CPSF4: variants seen among roughly 807,000 people sequenced by gnomAD.
CPSF4 encodes the protein cleavage and polyadenylation specific factor 4, also known as cleavage and polyadenylation specificity factor subunit 4.
A neutral mutation model predicts 37.7 loss-of-function variants in CPSF4; 11 were observed. That is an observed-to-expected ratio of 0.29 (90% CI 0.18 to 0.48). The LOEUF is 0.48. CPSF4 is among the 20% of genes least tolerant of loss of function. The pLI, the probability that CPSF4 is intolerant of heterozygous loss-of-function variation, is 0.99. For synonymous variants in CPSF4, 132 were observed against 135.9 expected (o/e 0.97, Z 0.20); for missense variants, 144 against 359.5 (o/e 0.40, Z 4.85).
At chr7:99,455,112 A>G (rs920566983) in intron 7 of CPSF4, among the ~76,000 whole-genome samples, 2 of 152,092 alleles carry the variant, frequency 1.3e-5, no homozygotes, top group African/African-American at 4.8e-5. Flanking sequence ...CTTAGCTGTT[A>G]TCTTGCCACC....
Position 99,448,354 on chromosome 7 carries a change from C to A in CPSF4, c.307+81C>A. 7.0e-7 allele frequency: 1 copy of A among 1,426,928 alleles called. No homozygotes were observed. Among genetic ancestry groups the A allele is most frequent in the Non-Finnish European group, 9.5e-7 (1 of 1,053,240 alleles). 88.4% of individuals were successfully genotyped at this position (1,426,928 alleles called of 1,614,324 possible). On this transcript the variant is annotated intron_variant, in intron 3 of 7. Transcript: ENST00000292476. This position sits in a 1 kb window ranked among gnomAD's most constrained non-coding sequence, Gnocchi z 4.4. ...GCTGGCTGCTCAGTGCCCACACTGT[C>A]TCTGCCTGCTTTTCCCATCTTTCTA...
intron 2 of CPSF4, among the ~76,000 whole-genome samples, chr7:99,445,534 A>G (rs918435444): frequency 6.6e-6 from 1 of 152,042 alleles, no homozygotes; most frequent in African/African-American, 2.4e-5. Context: ...CCATCTTGTT[A>G]CCCCTCTGGC....
intron 5 of CPSF4, 85 bp downstream of exon 5, chr7:99,450,880 C>G: frequency 1.0e-6 from 1 of 981,340 alleles, no homozygotes; most frequent in Non-Finnish European, 1.6e-6. Flanking sequence ...CCAACTGGGC[C>G]TTGGTCACTG....
intron 7 of CPSF4, among the ~76,000 whole-genome samples, chr7:99,454,823 G>A (rs1798192826): frequency 6.6e-6 from 1 of 152,164 alleles, no homozygotes; most frequent in Admixed American, 6.5e-5. Flanking sequence ...AGTACTCTTT[G>A]AAGAGTATGT....
In CPSF4 at chr7:99,439,198, C is replaced by T. The variant is rs1328811273; in HGVS notation, c.103+13C>T. ...CCCGGCATGGACAGTGAGCGCGGGG[C>T]CCGGGCGGGAGGGCAAGAGCGACTC... On this transcript the variant is annotated intron_variant, in intron 1 of 7. Coordinates refer to ENST00000292476, the MANE Select transcript of CPSF4 (RefSeq NM_006693.4). The T allele has an allele frequency of 3.8e-6, 6 of 1,583,698 alleles. No individual in the cohort carries two copies. The highest frequency in any genetic ancestry group is 5.1e-6 in the Non-Finnish European group (6 of 1,167,336).
chr7:99,442,539 C>G (rs1338467802), intron 1 of CPSF4, among the ~76,000 whole-genome samples: 1 of 151,038 alleles, frequency 6.6e-6, no homozygotes, highest in African/African-American at 2.4e-5. Flanking sequence ...GCCTGTAGTC[C>G]CAGCTACTCG....
At chr7:99,442,165 T>C (rs1797044536) in intron 1 of CPSF4, among the ~76,000 whole-genome samples, 1 of 152,170 alleles carries the variant, frequency 6.6e-6, no homozygotes, top group East Asian at 1.9e-4. Context: ...TCATTGGTTT[T>C]TCAGCAATTC....
At position 99,450,298 on chromosome 7, in the gene CPSF4, T is replaced by C. The variant is rs1404422646; in HGVS notation, c.330T>C (p.Cys110=). Residue 110 remains cysteine (C), a synonymous_variant, in exon 4 of 8, where the codon TGT becomes TGC. Coordinates refer to ENST00000292476, the MANE Select transcript of CPSF4 (RefSeq NM_006693.4). The stretch of plus-strand genomic sequence containing the variant: ...CAGGGGAGTGCAGCAACAAGGAATG[T>C]CCCTTCCTGCACATCGACCCCGAGT... ...SKFGECSNKE[C]PFLHIDPESK... is the part of the protein sequence containing the mutation. The C allele has an allele frequency of 6.2e-7, 1 of 1,613,790 alleles. No individual in the cohort carries two copies. Among genetic ancestry groups the C allele is most frequent in the African/African-American group, 1.3e-5 (1 of 75,004 alleles).
At chr7:99,440,674 A>ATATATATATATATATATATTTTTTT in intron 1 of CPSF4, among the ~76,000 whole-genome samples, 1 of 88,086 alleles carries the variant, frequency 1.1e-5, no homozygotes, top group Admixed American at 1.2e-4. Flanking sequence ...ATATATATAT[A>ATATATATATATATATATATTTTTTT]TTTTTTTTTT....
intron 2 of CPSF4, chr7:99,447,905 C>T (rs1172159876): frequency 2.9e-5 from 17 of 595,830 alleles, no homozygotes; most frequent in Admixed American, 2.0e-4. Flanking sequence ...CCACTGCGCC[C>T]GGCCATGAGT....
rs148750889 is a variant in CPSF4, at chr7:99,445,823, G to A, written c.154+984G>A. Among the ~76,000 whole-genome samples, 842 of 152,258 alleles carry A rather than the reference G, an allele frequency of 5.5e-3. 6 individuals are homozygous for A. The highest frequency in any genetic ancestry group is 0.02 in the African/African-American group (811 of 41,542). On this transcript the variant is annotated intron_variant, in intron 2 of 7. Coordinates refer to ENST00000292476, the MANE Select transcript of CPSF4 (RefSeq NM_006693.4). ...CACTTGAACCTGTTAGGCAGAGGTT[G>A]TAGTGAGCCAAGATCGCACCACTGC...
chr7:99,454,922 G>A (rs1009836357), intron 7 of CPSF4, among the ~76,000 whole-genome samples: 1 of 152,156 alleles, frequency 6.6e-6, no homozygotes, highest in Non-Finnish European at 1.5e-5. Flanking sequence ...GGGTGTGGTG[G>A]TGCACGCCTG....
chr7:99,441,261 T>C (rs1796955380), intron 1 of CPSF4: 2 of 371,152 alleles, frequency 5.4e-6, no homozygotes, highest in African/African-American at 2.1e-5. Flanking sequence ...GGCCTTTTCC[T>C]GTCTTGATGG....
chr7:99,442,687 CA>C (rs1797124768), intron 1 of CPSF4, among the ~76,000 whole-genome samples: 1 of 145,806 alleles, frequency 6.9e-6, no homozygotes, highest in African/African-American at 2.6e-5. Flanking sequence ...AAAAAACAAG[CA>C]ATATAATCAA....
At chr7:99,450,926 G>A (rs755326162) in intron 5 of CPSF4, 131 bp downstream of exon 5, 8 of 659,494 alleles carry the variant, frequency 1.2e-5, no homozygotes, top group Non-Finnish European at 2.2e-5. Context: ...GTGGGGGCAG[G>A]AGATGGGGAA....
chr7:99,450,752 C>G lies in CPSF4; in HGVS notation c.454C>G (p.Leu152Val). The part of the protein sequence containing the change: ...HTRRVICVNY[L>V]VGFCPEGPSC... Reference sequence around the variant, plus strand: ...ACGGAGAGTCATCTGTGTGAATTACCTCGTGGGATTCTGCCCGGAGGGGCC... The same window carrying G: ...ACGGAGAGTCATCTGTGTGAATTACGTCGTGGGATTCTGCCCGGAGGGGCC... The change falls in exon 5 of 8, where the codon CTC (leucine) becomes GTC (valine). Residue 152 changes from leucine to valine, a missense_variant. Leu to Val is a conservative substitution (Grantham distance 32). Around this residue, in one of 4 missense-constraint regions of CPSF4, gnomAD observed 86 missense variants for 141.5 expected, o/e 0.61. Coordinates refer to ENST00000292476, the MANE Select transcript of CPSF4 (RefSeq NM_006693.4). 1.2e-6 allele frequency: 2 copies of G among 1,614,110 alleles called. No homozygotes were observed. The highest frequency in any genetic ancestry group is 1.7e-6 in the Non-Finnish European group (2 of 1,180,002).
At chr7:99,449,481 A>G (rs773841930) in intron 3 of CPSF4, among the ~76,000 whole-genome samples, 1 of 152,218 alleles carries the variant, frequency 6.6e-6, no homozygotes, top group Non-Finnish European at 1.5e-5. Context: ...GCACCGCTAT[A>G]CAAGTGGCCT....
intron 7 of CPSF4, among the ~76,000 whole-genome samples, chr7:99,454,984 G>C (rs1236771124): frequency 6.6e-6 from 1 of 152,014 alleles, no homozygotes; most frequent in Non-Finnish European, 1.5e-5. Context: ...GGGCCCAGGA[G>C]GTCAAGCCTG....
chr7:99,442,674 A>C (rs968439213), intron 1 of CPSF4, among the ~76,000 whole-genome samples: 20 of 151,000 alleles, frequency 1.3e-4, no homozygotes, highest in African/African-American at 4.9e-4. Flanking sequence ...AAAAAAAAAA[A>C]ACAAAAAACA....
Sources: allele counts gnomAD v4.1 joint callset (sites outside exome capture counted in the v4.1 genomes callset), GRCh38; gene constraint gnomAD v4.1.1; regional missense constraint gnomAD v4.1.1; non-coding constraint Gnocchi (gnomAD v3.1); transcripts MANE v1.5; gene names NCBI Gene and HGNC (gene_info 2026-07-23, HGNC 2026-07-21).